TMX3: variants seen among roughly 807,000 people sequenced by gnomAD.
TMX3 encodes protein disulfide-isomerase TMX3.
In TMX3, 40 loss-of-function variants were observed where a neutral mutation model predicts 64.4. The observed-to-expected ratio is 0.62, with a 90% CI of 0.48 to 0.81. TMX3 has a LOEUF of 0.81. Among genes scored for constraint, TMX3 ranks in the 30% least tolerant of loss-of-function variants. The pLI, the probability that TMX3 is intolerant of heterozygous loss-of-function variation, is 0.00. For synonymous variants in TMX3, 189 were observed against 175.7 expected, an observed-to-expected ratio of 1.08 and a Z score of -0.60; for missense variants, 497 against 534.5, an observed-to-expected ratio of 0.93 and a Z score of 0.69.
chr18:68,705,181 T>G (rs756377019), intron 4 of TMX3, among the ~76,000 whole-genome samples: 1 of 152,066 alleles, frequency 6.6e-6, no homozygotes, highest in African/African-American at 2.4e-5. Context: ...TGAGGGAAGC[T>G]CCTAAACATC....
intron 5 of TMX3, chr18:68,700,765 C>T (rs1405945645): frequency 1.0e-6 from 1 of 985,104 alleles, no homozygotes. Flanking sequence ...ATAATCTACA[C>T]ATTCATGGTC....
chr18:68,686,715 A>C, intron 10 of TMX3: 1 of 985,268 alleles, frequency 1.0e-6, no homozygotes, highest in Non-Finnish European at 1.2e-6. Flanking sequence ...CAAAAAAAAA[A>C]AAATCAGAAA....
intron 14 of TMX3, 84 bp from the exon 15 acceptor site, chr18:68,679,615 CA>C (rs1224943185): frequency 1.7e-6 from 2 of 1,154,676 alleles, no homozygotes; most frequent in Admixed American, 4.5e-5. Flanking sequence ...AATTGCAGGC[CA>C]AATGGTTGAC....
In TMX3 at chr18:68,715,081, G is replaced by A. The variant is rs1318974452; in HGVS notation, c.-100C>T. Reference sequence around the variant, plus strand: ...CCGGAAAGGGAAACGGAGCCGACCCGGAGCGGAAGAGAAGCACCGCGCTAA... The same window carrying A: ...CCGGAAAGGGAAACGGAGCCGACCCAGAGCGGAAGAGAAGCACCGCGCTAA... On this transcript the variant is annotated 5_prime_UTR_variant, in exon 1 of 16. Transcript: ENST00000299608. The A allele has an allele frequency of 5.9e-6, 9 of 1,538,036 alleles. No individual in the cohort carries two copies. Among genetic ancestry groups the A allele is most frequent in the Non-Finnish European group, 7.0e-6 (8 of 1,140,264 alleles).
intron 8 of TMX3, among the ~76,000 whole-genome samples, chr18:68,695,211 T>C (rs1342145902): frequency 6.6e-6 from 1 of 152,188 alleles, no homozygotes; most frequent in Admixed American, 6.5e-5. Flanking sequence ...TCTCTCATTA[T>C]TTTCTTGATC....
intron 4 of TMX3, among the ~76,000 whole-genome samples, chr18:68,706,952 C>T (rs2030736676): frequency 6.6e-6 from 1 of 152,218 alleles, no homozygotes; most frequent in African/African-American, 2.4e-5. Context: ...GCTTCCATCA[C>T]TGACATTTAA....
intron 7 of TMX3, 116 bp from the exon 8 acceptor site, chr18:68,697,419 C>G (rs374757368): frequency 6.1e-6 from 3 of 490,542 alleles, no homozygotes; most frequent in African/African-American, 4.0e-5. Flanking sequence ...TAATGTGCTA[C>G]CTTACATCCT....
At chr18:68,693,338 G>A (rs1034486908) in intron 8 of TMX3, among the ~76,000 whole-genome samples, 17 of 152,094 alleles carry the variant, frequency 1.1e-4, no homozygotes, top group African/African-American at 4.1e-4. Context: ...CGTGGGGTGG[G>A]AGCCCCACGC....
intron 9 of TMX3, among the ~76,000 whole-genome samples, chr18:68,689,493 CATTG>C (rs1270554083): frequency 6.8e-6 from 1 of 146,242 alleles, no homozygotes; most frequent in Non-Finnish European, 1.5e-5. Flanking sequence ...ATTTTGATAT[CATTG>C]ATTATTTTAT....
chr18:68,677,214 C>G, intron 15 of TMX3, 21 bp from the exon 16 acceptor site: 16 of 1,603,552 alleles, frequency 1.0e-5, no homozygotes, highest in African/African-American at 1.3e-5. Context: ...AGAATTAAAA[C>G]TCAGTTCCCT....
intron 10 of TMX3, chr18:68,686,633 G>A (rs1005165335): frequency 1.4e-5 from 9 of 622,676 alleles, no homozygotes; most frequent in Non-Finnish European, 1.2e-5. Flanking sequence ...CTTGAACCAG[G>A]GAGGTGGAGG....
chr18:68,700,479 T>G lies in TMX3; in HGVS notation c.318A>C (p.Lys106Asn). ...CTCTATAATTATATGCCAAGTCCCC[T>G]TTTAATCTTTAAAAAAAAAAAAAAA... is the stretch of plus-strand genomic sequence containing the variant. ...VRGYPTIKLL[K>N]GDLAYNYRGP... Residue 106 changes from lysine to asparagine, a missense_variant, in exon 6 of 16, where the codon AAA becomes AAC. This residue lies in a region of TMX3 where 360 missense variants were observed against 383.5 expected (regional missense o/e 0.94). Transcript: ENST00000299608. 6.5e-7 allele frequency: 1 copy of G among 1,536,146 alleles called. No individual in the cohort carries two copies. Among genetic ancestry groups the G allele is most frequent in the Non-Finnish European group, 8.7e-7 (1 of 1,144,496 alleles).
At position 68,674,191 on chromosome 18, in the gene TMX3, G is replaced by A. The variant is rs994870084; in HGVS notation, c.*2742C>T. 23 of 152,198 alleles carry A rather than the reference G, an allele frequency of 1.5e-4. No individual in the cohort carries two copies. The highest frequency in any genetic ancestry group is 3.4e-3 in the Middle Eastern group (1 of 294). 9.4% of individuals were successfully genotyped at this position (152,198 alleles called of 1,614,324 possible). A position where few individuals can be genotyped will look rare whatever the true frequency, so the allele number is the denominator to read the frequency against. The stretch of plus-strand genomic sequence containing the variant: ...ATGTTATTTCTAAATCAGATACCAG[G>A]AAGCAACTATGTGAGAAAGAAAATG... On this transcript the variant is annotated 3_prime_UTR_variant, in exon 16 of 16. Coordinates refer to ENST00000299608, the MANE Select transcript of TMX3 (RefSeq NM_019022.5).
intron 4 of TMX3, among the ~76,000 whole-genome samples, chr18:68,703,758 G>A (rs1168169698): frequency 2.0e-5 from 3 of 152,016 alleles, no homozygotes; most frequent in African/African-American, 4.8e-5. Flanking sequence ...GTGAAACCCC[G>A]TCTCTACTAA....
chr18:68,679,429 T>C, intron 15 of TMX3, 34 bp downstream of exon 15: 1 of 1,556,234 alleles, frequency 6.4e-7, no homozygotes, highest in African/African-American at 1.4e-5. Context: ...CTATATCTTC[T>C]TCATTATCAA....
chr18:68,691,659 C>T (rs1914538416), intron 8 of TMX3, among the ~76,000 whole-genome samples: 1 of 152,188 alleles, frequency 6.6e-6, no homozygotes, highest in Non-Finnish European at 1.5e-5. Context: ...TCCTTCCCCA[C>T]CACTCACTGG....
Position 68,710,281 on chromosome 18 carries a change from A to G in TMX3, c.142-137T>C, listed in dbSNP as rs186135975. On this transcript the variant is annotated intron_variant, in intron 3 of 15. Coordinates refer to ENST00000299608, the MANE Select transcript of TMX3 (RefSeq NM_019022.5). ...AATGTTTTAGACAAGAAGTTTAAAT[A>G]TAATTTTTAAAGTAGATACATAATG... 1.7e-5 allele frequency: 15 copies of G among 866,990 alleles called. No individual in the cohort carries two copies. In the East Asian group the frequency reaches 3.8e-4, roughly 22 times the overall value. 53.7% of individuals were successfully genotyped at this position (866,990 alleles called of 1,614,324 possible). A position where few individuals can be genotyped will look rare whatever the true frequency, so the allele number is the denominator to read the frequency against.
At chr18:68,698,173 C>T in intron 6 of TMX3, 142 bp from the exon 7 acceptor site, 1 of 613,390 alleles carries the variant, frequency 1.6e-6, no homozygotes, top group Non-Finnish European at 2.8e-6. Context: ...ACAAAATCCA[C>T]ATGAATATAA....
chr18:68,681,526 C>A lies in TMX3; in HGVS notation c.906-416G>T, dbSNP rs892166529. 9 of 984,536 alleles carry A rather than the reference C, an allele frequency of 9.1e-6. No individual in the cohort carries two copies. The African/African-American group carries it at 1.6e-4, about 17-fold the overall frequency. 61.0% of individuals were successfully genotyped at this position (984,536 alleles called of 1,614,324 possible). On this transcript the variant is annotated intron_variant, in intron 13 of 15. Coordinates refer to ENST00000299608, the MANE Select transcript of TMX3 (RefSeq NM_019022.5). ...CTACATCTGGTACTTTAATCTTTGGCAAATCCTCTTAAGTTCTTACTGAAA... is the reference window on the plus strand; with the variant it reads ...CTACATCTGGTACTTTAATCTTTGGAAAATCCTCTTAAGTTCTTACTGAAA...
Sources: allele counts gnomAD v4.1 joint callset (sites outside exome capture counted in the v4.1 genomes callset), GRCh38; gene constraint gnomAD v4.1.1; regional missense constraint gnomAD v4.1.1; transcripts MANE v1.5; gene names NCBI Gene and HGNC (gene_info 2026-07-23, HGNC 2026-07-21).